Variants in FASTKD2 observed in about 807,000 individuals in gnomAD.
FASTKD2 encodes the protein FAST kinase domains 2.
In FASTKD2, 51 loss-of-function variants were observed where a neutral mutation model predicts 63.6. The observed-to-expected ratio is 0.80, with a 90% CI of 0.64 to 1.01. FASTKD2 has a LOEUF of 1.01. Among genes scored for constraint, FASTKD2 ranks in the 50% least tolerant of loss-of-function variants. The pLI is 0.00. For missense variants in FASTKD2, 786 were observed against 831.1 expected (o/e 0.95, Z 0.67); for synonymous variants, 284 against 293.4 (o/e 0.97, Z 0.33).
At chr2:206,769,494 C>T (rs539310784) in intron 2 of FASTKD2, among the ~76,000 whole-genome samples, 2 of 152,276 alleles carry the variant, frequency 1.3e-5, no homozygotes, top group South Asian at 4.1e-4. Context: ...TTTCTGGAAT[C>T]AAACTTAGTA....
At position 206,765,625 on chromosome 2, in the gene FASTKD2, C is replaced by T. The variant is rs1689412358; in HGVS notation, c.-173C>T. 1.3e-6 allele frequency: 1 copy of T among 770,574 alleles called. No homozygotes were observed. Among genetic ancestry groups the T allele is most frequent in the Non-Finnish European group, 1.6e-6 (1 of 616,262 alleles). The allele number at this position is 770,574 out of a possible 1,614,324, so 47.7% of individuals were successfully genotyped here. A position where few individuals can be genotyped will look rare whatever the true frequency, so the allele number is the denominator to read the frequency against. On this transcript the variant is annotated 5_prime_UTR_variant, in exon 1 of 12. Coordinates refer to ENST00000402774, the MANE Select transcript of FASTKD2 (RefSeq NM_001136193.2). Reference sequence around the variant, plus strand: ...CTCGGGGAAGCTGTCATGGCTGCTCCTGTACGTAGTCACGGTCTTGTGCTC... The same window carrying T: ...CTCGGGGAAGCTGTCATGGCTGCTCTTGTACGTAGTCACGGTCTTGTGCTC...
At chr2:206,768,875 A>G (rs543114896) in intron 2 of FASTKD2, among the ~76,000 whole-genome samples, 1 of 152,258 alleles carries the variant, frequency 6.6e-6, no homozygotes, top group East Asian at 1.9e-4. Flanking sequence ...TATTTAGTGT[A>G]TGTGTGTGTA....
At position 206,792,741 on chromosome 2, in the gene FASTKD2, G is replaced by A. The variant is rs1455743061; in HGVS notation, c.*939G>A. ...ATTACTAGACATCTTAGTATGTGCC[G>A]GGCACTGCTAAGTATTCATTTGTGT... On this transcript the variant is annotated 3_prime_UTR_variant, in exon 12 of 12. Coordinates refer to ENST00000402774, the MANE Select transcript of FASTKD2 (RefSeq NM_001136193.2). Among the ~76,000 whole-genome samples, 3 of 152,010 alleles carry A rather than the reference G, an allele frequency of 2.0e-5. No individual in the cohort carries two copies. Among genetic ancestry groups the A allele is most frequent in the East Asian group, 1.9e-4 (1 of 5,182 alleles).
chr2:206,784,279 A>C lies in FASTKD2; in HGVS notation c.1428-2454A>C, dbSNP rs76528629. On this transcript the variant is annotated intron_variant, in intron 7 of 11. Coordinates refer to ENST00000402774, the MANE Select transcript of FASTKD2 (RefSeq NM_001136193.2). The stretch of plus-strand genomic sequence containing the variant: ...ATGGTAGGCACCAAGTAAGTGCTTT[A>C]TGGAGGAAGGAGAAAGGAAGATGGC... Among the ~76,000 whole-genome samples, 979 of 152,370 alleles carry C rather than the reference A, an allele frequency of 6.4e-3. 17 individuals carry two copies. Among genetic ancestry groups the C allele is most frequent in the African/African-American group, 0.022 (923 of 41,586 alleles).
Position 206,793,220 on chromosome 2 carries a change from C to CAAAAAAAAAAAAAAAAAAAAAA in FASTKD2, c.*1428_*1449dup, listed in dbSNP as rs58656956. 1.5e-5 allele frequency among the ~76,000 whole-genome samples: 1 copy of CAAAAAAAAAAAAAAAAAAAAAA among 65,818 alleles called. No individual in the cohort carries two copies. The highest frequency in any genetic ancestry group is 2.8e-5 in the Non-Finnish European group (1 of 36,082). The allele number at this position is 65,818 out of a possible 152,430, so 43.2% of individuals were successfully genotyped here. A position where few individuals can be genotyped will look rare whatever the true frequency, so the allele number is the denominator to read the frequency against. ...CTGACCACAGAGCGAGACTCTGTCT[C>CAAAAAAAAAAAAAAAAAAAAAA]AAAAAAAAAAAAAAAAAAAAAAAAA... On this transcript the variant is annotated 3_prime_UTR_variant, in exon 12 of 12. Coordinates refer to ENST00000402774, the MANE Select transcript of FASTKD2 (RefSeq NM_001136193.2).
At chr2:206,779,094 T>C (rs1689900169) in intron 7 of FASTKD2, among the ~76,000 whole-genome samples, 1 of 152,246 alleles carries the variant, frequency 6.6e-6, no homozygotes. Context: ...AGATCTGTTA[T>C]ATCTTCCTGA....
intron 9 of FASTKD2, 68 bp downstream of exon 9, chr2:206,788,223 A>C (rs1256464216): frequency 8.7e-7 from 1 of 1,149,566 alleles, no homozygotes; most frequent in Non-Finnish European, 1.3e-6. Context: ...GACCAAAAAA[A>C]TAGGTATTTG....
chr2:206,786,164 C>T lies in FASTKD2; in HGVS notation c.1428-569C>T, dbSNP rs1279872835. On this transcript the variant is annotated intron_variant, in intron 7 of 11. Transcript: ENST00000402774. ...TATTAGTGGTGTCACTCTGGGCAAG[C>T]GACTGCCCCTGATTTTGATCTTTTC... 2.6e-5 allele frequency among the ~76,000 whole-genome samples: 4 copies of T among 152,230 alleles called. No homozygotes were observed. In the South Asian group the frequency reaches 8.3e-4, roughly 32 times the overall value.
chr2:206,770,500 T>C (rs1689643605), intron 3 of FASTKD2, among the ~76,000 whole-genome samples: 2 of 152,188 alleles, frequency 1.3e-5, no homozygotes, highest in Admixed American at 6.5e-5. Flanking sequence ...TCCCAGCACT[T>C]TGGGAGGCCG....
chr2:206,778,680 C>T (rs1392724579), intron 7 of FASTKD2, among the ~76,000 whole-genome samples: 1 of 151,762 alleles, frequency 6.6e-6, no homozygotes, highest in Non-Finnish European at 1.5e-5. Flanking sequence ...AGCAGGGGAC[C>T]CCAGCCCCCA....
At position 206,793,927 on chromosome 2, in the gene FASTKD2, T is replaced by TTA. The variant is rs1160866113; in HGVS notation, c.*2126_*2127dup. 6.6e-6 allele frequency among the ~76,000 whole-genome samples: 1 copy of TTA among 152,194 alleles called. No individual in the cohort carries two copies. The highest frequency in any genetic ancestry group is 1.9e-4 in the East Asian group (1 of 5,198). On this transcript the variant is annotated 3_prime_UTR_variant, in exon 12 of 12. Coordinates refer to ENST00000402774, the MANE Select transcript of FASTKD2 (RefSeq NM_001136193.2). ...TTAGCAGTTTTTTTTCTTTTAAGAA[T>TTA]TACAGTGCTGATGAAGGTATAATGA...
intron 7 of FASTKD2, among the ~76,000 whole-genome samples, chr2:206,778,406 T>C (rs1306970570): frequency 1.3e-5 from 2 of 152,308 alleles, no homozygotes; most frequent in East Asian, 3.9e-4. Flanking sequence ...CTTTAACCCA[T>C]TGGGTGTTCA....
intron 7 of FASTKD2, among the ~76,000 whole-genome samples, chr2:206,778,034 A>C (rs1689870140): frequency 6.6e-6 from 1 of 151,436 alleles, no homozygotes; most frequent in African/African-American, 2.4e-5. Context: ...TATTTATTTG[A>C]ATCTTCTTTC....
intron 1 of FASTKD2, 114 bp from the exon 2 acceptor site, chr2:206,766,530 A>G (rs1262782380): frequency 1.5e-6 from 1 of 655,900 alleles, no homozygotes; most frequent in African/African-American, 1.8e-5. Flanking sequence ...GTTTTATGTA[A>G]ATGTTTAATG....
rs888044245 is a variant in FASTKD2 at position 206,793,258 on chromosome 2, A to T, written c.*1456A>T. 1.4e-5 allele frequency among the ~76,000 whole-genome samples: 2 copies of T among 147,896 alleles called. No individual in the cohort carries two copies. Among genetic ancestry groups the T allele is most frequent in the African/African-American group, 5.2e-5 (2 of 38,464 alleles). On this transcript the variant is annotated 3_prime_UTR_variant, in exon 12 of 12. Coordinates refer to ENST00000402774, the MANE Select transcript of FASTKD2 (RefSeq NM_001136193.2). ...AAAAAAAAAAAAAAAAAAATACAAA[A>T]ACTATAGCAATATGACAACAGCTGC...
intron 7 of FASTKD2, among the ~76,000 whole-genome samples, chr2:206,776,216 A>G (rs949701818): frequency 6.6e-6 from 1 of 151,754 alleles, no homozygotes; most frequent in Non-Finnish European, 1.5e-5. Context: ...ATAAACTTAT[A>G]GCAATAAGCA....
chr2:206,793,755 CT>C lies in FASTKD2; in HGVS notation c.*1957del, dbSNP rs999284596. Among the ~76,000 whole-genome samples the C allele has an allele frequency of 1.1e-4, 17 of 152,272 alleles. No homozygotes were observed. Among genetic ancestry groups the C allele is most frequent in the African/African-American group, 3.9e-4 (16 of 41,552 alleles). ...ACCTGGCAGATAAAAAGGCATCCCT[CT>C]TTTACTAGCATTCTAGTGTTAGCAT... is the stretch of plus-strand genomic sequence containing the variant. On this transcript the variant is annotated 3_prime_UTR_variant, in exon 12 of 12. Coordinates refer to ENST00000402774, the MANE Select transcript of FASTKD2 (RefSeq NM_001136193.2).
intron 7 of FASTKD2, among the ~76,000 whole-genome samples, chr2:206,780,472 A>T (rs1689942709): frequency 6.6e-6 from 1 of 152,214 alleles, no homozygotes; most frequent in African/African-American, 2.4e-5. Context: ...TGCTAGTCTG[A>T]TGGGGGCTCC....
chr2:206,766,280 AAAAAAC>A (rs1217738904), intron 1 of FASTKD2, among the ~76,000 whole-genome samples: 4 of 151,160 alleles, frequency 2.6e-5, no homozygotes, highest in African/African-American at 9.7e-5. Flanking sequence ...AAAAAAAAAA[AAAAAAC>A]AGAGAAGAGA....
Sources: allele counts gnomAD v4.1 joint callset (sites outside exome capture counted in the v4.1 genomes callset), GRCh38; gene constraint gnomAD v4.1.1; transcripts MANE v1.5; gene names NCBI Gene and HGNC (gene_info 2026-07-23, HGNC 2026-07-21).